Variants in MACROD2 observed in about 807,000 individuals in gnomAD.
MACROD2 encodes mono-ADP ribosylhydrolase 2.
MACROD2 carries 36 observed loss-of-function variants against 70.4 expected under a neutral mutation model. That is an observed-to-expected ratio of 0.51 (90% CI 0.39 to 0.68). The LOEUF is 0.68. Ranked by LOEUF, MACROD2 falls within the 30% of genes least tolerant of loss-of-function variation. The probability of loss-of-function intolerance (pLI) is 0.00; values close to 1 mark genes in which losing one functional copy is unlikely to be tolerated. For missense variants in MACROD2, 496 were observed against 538.4 expected (o/e 0.92, Z 0.78); for synonymous variants, 172 against 178.8 (o/e 0.96, Z 0.30).
At chr20:14,819,933 G>A (rs1276363298) in intron 5 of MACROD2, among the ~76,000 whole-genome samples, 2 of 151,990 alleles carry the variant, frequency 1.3e-5, no homozygotes. Flanking sequence ...TAAAAGCCCT[G>A]GGAAGCCCAT....
chr20:15,629,251 C>T (rs2146747429), intron 8 of MACROD2, among the ~76,000 whole-genome samples: 1 of 152,342 alleles, frequency 6.6e-6, no homozygotes, highest in Non-Finnish European at 1.5e-5. Flanking sequence ...AGTTGTTCCA[C>T]ATCCACTGTT....
intron 8 of MACROD2, among the ~76,000 whole-genome samples, chr20:15,738,925 G>GT (rs1425582331): frequency 3.9e-5 from 6 of 152,124 alleles, no homozygotes; most frequent in African/African-American, 1.2e-4. Flanking sequence ...TTATGGAGTT[G>GT]TTTTTTACAA....
chr20:15,656,395 G>A (rs953618897), intron 8 of MACROD2, among the ~76,000 whole-genome samples: 1 of 152,154 alleles, frequency 6.6e-6, no homozygotes, highest in Non-Finnish European at 1.5e-5. Flanking sequence ...AACAATAATA[G>A]GAATGGCTAT....
At chr20:14,657,732 A>G (rs886917565) in intron 4 of MACROD2, among the ~76,000 whole-genome samples, 10 of 152,096 alleles carry the variant, frequency 6.6e-5, no homozygotes, top group Admixed American at 5.9e-4. Context: ...TTGTTATTTA[A>G]AATTTTCCTT....
At chr20:14,678,247 A>G (rs1162726989) in intron 4 of MACROD2, among the ~76,000 whole-genome samples, 1 of 152,152 alleles carries the variant, frequency 6.6e-6, no homozygotes, top group Non-Finnish European at 1.5e-5. Context: ...CTGGATGTAG[A>G]AATAGTTATA....
chr20:15,763,756 T>A (rs2051477049), intron 8 of MACROD2, among the ~76,000 whole-genome samples: 1 of 152,214 alleles, frequency 6.6e-6, no homozygotes, highest in African/African-American at 2.4e-5. Context: ...AAAATTGAAT[T>A]TGGGTCAATT....
chr20:16,020,400 A>AC (rs764488384), intron 15 of MACROD2, among the ~76,000 whole-genome samples: 4 of 150,584 alleles, frequency 2.7e-5, no homozygotes, highest in Non-Finnish European at 5.9e-5. Context: ...GCCACTCTCT[A>AC]CCTCCCCTCC....
intron 8 of MACROD2, among the ~76,000 whole-genome samples, chr20:15,660,288 GA>G (rs2049801215): frequency 2.0e-5 from 3 of 151,948 alleles, no homozygotes; most frequent in South Asian, 4.2e-4. Context: ...ACTGAAGCTT[GA>G]AAAAAAGTAA....
rs972759048 is a variant in MACROD2, at chr20:15,193,931, T to A, written c.419-36009T>A. On this transcript the variant is annotated intron_variant, in intron 5 of 17. Transcript: ENST00000684519. The stretch of plus-strand genomic sequence containing the variant: ...ATGCTTCAATTGGGGGAGAAAATTG[T>A]TTATACTGTGAAAGTTTAAAAGAAA... Among the ~76,000 whole-genome samples the A allele has an allele frequency of 2.6e-5, 4 of 151,870 alleles. No individual in the cohort carries two copies. The East Asian group carries it at 7.7e-4, about 29-fold the overall frequency.
intron 8 of MACROD2, among the ~76,000 whole-genome samples, chr20:15,834,495 GC>G (rs1405495422): frequency 6.6e-6 from 1 of 151,994 alleles, no homozygotes; most frequent in East Asian, 1.9e-4. Context: ...CTTATCCGTT[GC>G]CCCGGTTAGA....
intron 7 of MACROD2, among the ~76,000 whole-genome samples, chr20:15,487,131 T>A (rs1359668780): frequency 6.6e-6 from 1 of 152,206 alleles, no homozygotes; most frequent in Non-Finnish European, 1.5e-5. Context: ...CTAAAGCAAG[T>A]CAGATGGCCA....
chr20:14,331,873 G>T (rs1348824785), intron 3 of MACROD2, among the ~76,000 whole-genome samples: 2 of 152,048 alleles, frequency 1.3e-5, no homozygotes, highest in Non-Finnish European at 2.9e-5. Context: ...GACCCCCACT[G>T]GCATGGACAC....
intron 6 of MACROD2, among the ~76,000 whole-genome samples, chr20:15,254,391 A>G (rs1378946719): frequency 6.6e-6 from 1 of 152,114 alleles, no homozygotes; most frequent in East Asian, 1.9e-4. Context: ...CACTGCCTTC[A>G]GTTTTTGTTT....
rs934542127 is a variant in MACROD2 at position 15,363,989 on chromosome 20, T to A, written c.541-67416T>A. Among the ~76,000 whole-genome samples the A allele has an allele frequency of 7.9e-5, 12 of 152,142 alleles. No individual in the cohort carries two copies. The South Asian group carries it at 1.5e-3, about 18-fold the overall frequency. ...CATGAGCTATCCACTCTTCCTTTCT[T>A]TATACTGATTTTTGGAAACTTTGGG... On this transcript the variant is annotated intron_variant, in intron 6 of 17. Transcript: ENST00000684519.
rs186296716 is a variant in MACROD2, at chr20:14,050,528, C to T, written c.164-35093C>T. On this transcript the variant is annotated intron_variant, in intron 2 of 17. Coordinates refer to ENST00000684519, the MANE Select transcript of MACROD2 (RefSeq NM_001351661.2). ...CAGACGTGTAGATCTATAGGAGAAA[C>T]CCAGGCCAGTTAGATAGTTCTGGAA... is the stretch of plus-strand genomic sequence containing the variant. 1.6e-3 allele frequency among the ~76,000 whole-genome samples: 227 copies of T among 145,080 alleles called. 3 individuals carry two copies. The highest frequency in any genetic ancestry group is 0.014 in the Admixed American group (209 of 14,528).
chr20:14,490,397 T>C (rs2084781181), intron 3 of MACROD2, among the ~76,000 whole-genome samples: 1 of 152,192 alleles, frequency 6.6e-6, no homozygotes, highest in African/African-American at 2.4e-5. Context: ...GTGAAGTTAT[T>C]TTAGGGGGAA....
chr20:15,653,094 C>A (rs998926286), intron 8 of MACROD2, among the ~76,000 whole-genome samples: 1 of 152,156 alleles, frequency 6.6e-6, no homozygotes, highest in Non-Finnish European at 1.5e-5. Context: ...AATTTCTCCT[C>A]TAGGCCCTAC....
At chr20:14,815,503 G>A (rs1032686055) in intron 5 of MACROD2, among the ~76,000 whole-genome samples, 1 of 152,026 alleles carries the variant, frequency 6.6e-6, no homozygotes, top group Non-Finnish European at 1.5e-5. Context: ...GTGTGTGTGT[G>A]TGTGCACGCA....
At chr20:14,328,355 A>T (rs2082772535) in intron 3 of MACROD2, among the ~76,000 whole-genome samples, 1 of 152,066 alleles carries the variant, frequency 6.6e-6, no homozygotes, top group East Asian at 1.9e-4. Context: ...GCAGGTTTTA[A>T]TGACTTTGTC....
Sources: allele counts gnomAD v4.1 joint callset (sites outside exome capture counted in the v4.1 genomes callset), GRCh38; gene constraint gnomAD v4.1.1; transcripts MANE v1.5; gene names NCBI Gene and HGNC (gene_info 2026-07-23, HGNC 2026-07-21).